ABCB10: variants seen among roughly 807,000 people sequenced by gnomAD.
The protein encoded by ABCB10 is ATP-binding cassette sub-family B member 10, mitochondrial.
A neutral mutation model predicts 65.4 loss-of-function variants in ABCB10; 54 were observed. The ratio of observed to expected loss-of-function variants is 0.83; its 90% CI spans 0.66 to 1.04. The LOEUF (loss-of-function observed/expected upper bound fraction) is 1.04. ABCB10 is among the 50% of genes least tolerant of loss of function. ABCB10 has a pLI of 0.00. For missense variants in ABCB10, 846 were observed against 976.6 expected (o/e 0.87, Z 1.78); for synonymous variants, 418 against 406.5 (o/e 1.03, Z -0.34).
chr1:229,518,027 C>T lies in ABCB10; in HGVS notation c.*152G>A, dbSNP rs371133627. On this transcript the variant is annotated 3_prime_UTR_variant, in exon 13 of 13. Transcript: ENST00000344517. The stretch of plus-strand genomic sequence containing the variant: ...AATAAAAAGATCTTGAGAACAGGTA[C>T]GTTTCAAAACAATCTTTTACACACT... 8.1e-6 allele frequency: 5 copies of T among 620,758 alleles called. No homozygotes were observed. The highest frequency in any genetic ancestry group is 2.8e-5 in the East Asian group (1 of 36,140). The allele number at this position is 620,758 out of a possible 1,614,324, so 38.5% of individuals were successfully genotyped here. A position where few individuals can be genotyped will look rare whatever the true frequency, so the allele number is the denominator to read the frequency against.
intron 6 of ABCB10, among the ~76,000 whole-genome samples, chr1:229,538,111 G>A (rs1662763082): frequency 6.6e-6 from 1 of 152,330 alleles, no homozygotes; most frequent in East Asian, 1.9e-4. Context: ...CAAAGCCTTA[G>A]CAGCACCTCC....
chr1:229,558,036 A>T, intron 1 of ABCB10, 100 bp downstream of exon 1: 1 of 1,208,404 alleles, frequency 8.3e-7, no homozygotes, highest in Non-Finnish European at 1.0e-6. Context: ...CGGCGGTGAC[A>T]CGCGCTCTGC....
chr1:229,553,920 T>A (rs1365170491), intron 1 of ABCB10, among the ~76,000 whole-genome samples: 2 of 152,128 alleles, frequency 1.3e-5, no homozygotes, highest in African/African-American at 4.8e-5. Flanking sequence ...ATTCAAAGCA[T>A]CTGGTACAAT....
intron 3 of ABCB10, 94 bp from the exon 4 acceptor site, chr1:229,542,465 G>A (rs1033310485): frequency 9.1e-6 from 13 of 1,421,606 alleles, no homozygotes; most frequent in Non-Finnish European, 1.1e-5. Flanking sequence ...GTGTGGGTGT[G>A]TCTGTGTGTG....
Position 229,558,347 on chromosome 1 carries a change from G to A in ABCB10, c.306C>T (p.Cys102=), listed in dbSNP as rs756307877. The A allele has an allele frequency of 8.0e-7, 1 of 1,256,942 alleles. No individual in the cohort carries two copies. Among genetic ancestry groups the A allele is most frequent in the Non-Finnish European group, 1.0e-6 (1 of 990,042 alleles). 77.9% of individuals were successfully genotyped at this position (1,256,942 alleles called of 1,614,324 possible). The change falls in exon 1 of 13, where the codon TGC becomes TGT. Residue 102 remains cysteine, a synonymous_variant. Transcript: ENST00000344517. Reference sequence around the variant, plus strand: ...GAGCGCCTGGCCCGGCAAAAGCCCCGCACCTGCAGCTGCCGGGGCCGCGAG... The same window carrying A: ...GAGCGCCTGGCCCGGCAAAAGCCCCACACCTGCAGCTGCCGGGGCCGCGAG... ...LWARGPGSCR[C]GAFAGPGAPR...
chr1:229,535,501 T>C (rs1662698544), intron 6 of ABCB10, among the ~76,000 whole-genome samples: 2 of 152,132 alleles, frequency 1.3e-5, no homozygotes, highest in Non-Finnish European at 2.9e-5. Flanking sequence ...AGATTACAAA[T>C]ATATGACATT....
intron 10 of ABCB10, among the ~76,000 whole-genome samples, chr1:229,522,588 G>A (rs139808256): frequency 2.6e-5 from 4 of 152,310 alleles, no homozygotes; most frequent in Non-Finnish European, 5.9e-5. Context: ...ATACAAAGTA[G>A]CATGTCCAGG....
intron 6 of ABCB10, among the ~76,000 whole-genome samples, chr1:229,532,751 T>C (rs1280767247): frequency 6.6e-6 from 1 of 152,078 alleles, no homozygotes; most frequent in Admixed American, 6.6e-5. Context: ...CCTGGTAGCA[T>C]GTGCCTATAT....
intron 5 of ABCB10, among the ~76,000 whole-genome samples, chr1:229,540,101 T>G (rs1662808673): frequency 6.6e-6 from 1 of 152,210 alleles, no homozygotes; most frequent in Non-Finnish European, 1.5e-5. Context: ...CTGAAGTTCT[T>G]TTCAGTTTAC....
At chr1:229,536,049 T>A (rs540305235) in intron 6 of ABCB10, among the ~76,000 whole-genome samples, 1 of 152,132 alleles carries the variant, frequency 6.6e-6, no homozygotes, top group Admixed American at 6.6e-5. Flanking sequence ...TTGCATCAAA[T>A]GTACCACTCT....
Position 229,531,736 on chromosome 1 carries a change from G to T in ABCB10, c.1340-5C>A. The T allele has an allele frequency of 1.2e-6, 2 of 1,613,192 alleles. No homozygotes were observed. Among genetic ancestry groups the T allele is most frequent in the Non-Finnish European group, 1.7e-6 (2 of 1,179,376 alleles). ...CCGAGTAGAAAGAGCTCAGACCTGA[G>T]GATGAGAAGCAGAATCCACACACAT... On this transcript the variant is annotated splice_region_variant and splice_polypyrimidine_tract_variant and intron_variant, in intron 6 of 12. Transcript: ENST00000344517.
At chr1:229,555,790 G>A (rs948972009) in intron 1 of ABCB10, among the ~76,000 whole-genome samples, 1 of 152,060 alleles carries the variant, frequency 6.6e-6, no homozygotes, top group African/African-American at 2.4e-5. Flanking sequence ...CAACACCTCA[G>A]GCTGCTCTTA....
At chr1:229,557,628 A>G (rs1663289174) in intron 1 of ABCB10, among the ~76,000 whole-genome samples, 1 of 152,224 alleles carries the variant, frequency 6.6e-6, no homozygotes, top group African/African-American at 2.4e-5. Context: ...ACAGTGCTGT[A>G]ACTTCCTGCA....
chr1:229,550,525 C>CAAAAAAAA (rs60323914), intron 1 of ABCB10, among the ~76,000 whole-genome samples: 6 of 63,542 alleles, frequency 9.4e-5, no homozygotes, highest in African/African-American at 4.5e-4. Flanking sequence ...ATGCTGTCTC[C>CAAAAAAAA]AAAAAAAAAA....
chr1:229,548,754 C>T (rs1663028830), intron 2 of ABCB10, among the ~76,000 whole-genome samples: 1 of 151,538 alleles, frequency 6.6e-6, no homozygotes, highest in Admixed American at 6.6e-5. Flanking sequence ...CCTCTGCCTC[C>T]CAGGTTCAAG....
At chr1:229,540,169 A>G (rs1335319768) in intron 5 of ABCB10, among the ~76,000 whole-genome samples, 1 of 152,192 alleles carries the variant, frequency 6.6e-6, no homozygotes, top group Non-Finnish European at 1.5e-5. Context: ...ATTTGAGTGC[A>G]TTGTGATTGA....
In ABCB10 at chr1:229,518,283, C is replaced by T. The variant is rs1662223897; in HGVS notation, c.2113G>A (p.Asp705Asn). Reference protein sequence around the residue: ...IKNANMVAVLDQGKITEYGKH... With the variant: ...IKNANMVAVLNQGKITEYGKH... ...CCATATTCAGTAATTTTTCCTTGGTCAAGAACAGCAACCATATTAGCATTC... is the reference window on the plus strand; with the variant it reads ...CCATATTCAGTAATTTTTCCTTGGTTAAGAACAGCAACCATATTAGCATTC... Residue 705 changes from aspartate (D) to asparagine (N), a missense_variant, in exon 13 of 13, where the codon GAC (aspartate) becomes AAC (asparagine). Asp to Asn is a conservative substitution (Grantham distance 23, BLOSUM62 1). Transcript: ENST00000344517. The T allele has an allele frequency of 6.2e-7, 1 of 1,614,138 alleles. No individual in the cohort carries two copies. The highest frequency in any genetic ancestry group is 1.7e-5 in the Admixed American group (1 of 60,026).
rs1303334952 is a variant in ABCB10 at position 229,533,179 on chromosome 1, C to G, written c.1340-1448G>C. Among the ~76,000 whole-genome samples, 7 of 152,024 alleles carry G rather than the reference C, an allele frequency of 4.6e-5. No homozygotes were observed. In the East Asian group the frequency reaches 1.4e-3, roughly 29 times the overall value. ...TTTTTTGAGACGGAGTCTTGCTCTG[C>G]TGTGGTGTAGTATCTATCACTGAAC... On this transcript the variant is annotated intron_variant, in intron 6 of 12. Coordinates refer to ENST00000344517, the MANE Select transcript of ABCB10 (RefSeq NM_012089.3).
intron 1 of ABCB10, among the ~76,000 whole-genome samples, chr1:229,552,861 C>T (rs1663149828): frequency 6.6e-6 from 1 of 152,172 alleles, no homozygotes; most frequent in East Asian, 1.9e-4. Flanking sequence ...ATTTACACAT[C>T]ACAGAACCAC....
Sources: gnomAD v4.1 joint callset for allele counts (sites outside exome capture counted in the v4.1 genomes callset) on GRCh38, gnomAD v4.1.1 for gene constraint, MANE v1.5 for transcripts, NCBI Gene and HGNC (gene_info 2026-07-23, HGNC 2026-07-21) for gene names.